Variants in SLC26A3 observed in about 807,000 individuals in gnomAD.
The protein encoded by SLC26A3 is solute carrier family 26 member 3.
SLC26A3 carries 64 observed loss-of-function variants against 85.6 expected under a neutral mutation model. The ratio of observed to expected loss-of-function variants is 0.75; its 90% CI spans 0.61 to 0.92. The LOEUF (loss-of-function observed/expected upper bound fraction) is 0.92, where lower values mean the gene tolerates loss of function less well. SLC26A3 is among the 40% of genes least tolerant of loss of function. The pLI is 0.00. For synonymous variants in SLC26A3, 349 were observed against 336.0 expected, an observed-to-expected ratio of 1.04 and a Z score of -0.42; for missense variants, 922 against 927.3, an observed-to-expected ratio of 0.99 and a Z score of 0.07.
Position 107,799,322 on chromosome 7 carries a change from G to A in SLC26A3, c.-89+3789C>T, listed in dbSNP as rs148713209. Among the ~76,000 whole-genome samples, 1,060 of 152,254 alleles carry A rather than the reference G, an allele frequency of 7.0e-3. 12 individuals are homozygous for A. The highest frequency in any genetic ancestry group is 0.024 in the African/African-American group (1,016 of 41,542). On this transcript the variant is annotated intron_variant, in intron 1 of 20. Transcript: ENST00000340010. ...TAAGCACACCAGGTTTCAAATCCTT[G>A]CCTTGCCATATCTTAACTATGTTTG... is the stretch of plus-strand genomic sequence containing the variant.
intron 1 of SLC26A3, among the ~76,000 whole-genome samples, chr7:107,799,329 C>A (rs914521864): frequency 7.2e-5 from 11 of 152,128 alleles, no homozygotes; most frequent in African/African-American, 2.7e-4. Context: ...CTTGCCTTGC[C>A]ATATCTTAAC....
At chr7:107,768,667 A>G (rs1793955563) in intron 18 of SLC26A3, among the ~76,000 whole-genome samples, 1 of 152,174 alleles carries the variant, frequency 6.6e-6, no homozygotes, top group Non-Finnish European at 1.5e-5. Flanking sequence ...AATTCCCAGC[A>G]CATAGTATGT....
Position 107,783,288 on chromosome 7 carries a change from T to A in SLC26A3, c.1036A>T (p.Ile346Phe), listed in dbSNP as rs766985569. Residue 346 changes from isoleucine (I) to phenylalanine (F), a missense_variant, in exon 9 of 21, where the codon ATC becomes TTC. Transcript: ENST00000340010. ...GCCACTGCAAATGCAACCATTGCGA[T>A]GCCGAAGCAATCTCCTACGGTGTTT... ...FQNTVGDCFG[I>F]AMVAFAVAFS... is the part of the protein sequence containing the mutation. 3 of 1,614,128 alleles carry A rather than the reference T, an allele frequency of 1.9e-6. No homozygotes were observed. Among genetic ancestry groups the A allele is most frequent in the South Asian group, 1.1e-5 (1 of 91,094 alleles).
intron 3 of SLC26A3, 39 bp downstream of exon 3, chr7:107,793,703 A>ACCC: frequency 1.3e-6 from 2 of 1,483,736 alleles, no homozygotes; most frequent in Non-Finnish European, 1.8e-6. Context: ...CAGAGGAAGA[A>ACCC]TTTTATTGTA....
intron 7 of SLC26A3, among the ~76,000 whole-genome samples, 195 bp from the exon 8 acceptor site, chr7:107,787,104 T>C (rs982376186): frequency 6.6e-6 from 1 of 152,242 alleles, no homozygotes; most frequent in African/African-American, 2.4e-5. Flanking sequence ...TAAATTCAAA[T>C]GGCTCTAACA....
intron 17 of SLC26A3, 91 bp from the exon 18 acceptor site, chr7:107,772,199 T>C (rs1794040395): frequency 1.4e-5 from 11 of 763,814 alleles, no homozygotes; most frequent in Non-Finnish European, 2.3e-5. Flanking sequence ...TTACGGGTGA[T>C]ATATTCCTTT....
At chr7:107,794,274 A>G in intron 2 of SLC26A3, 105 bp downstream of exon 2, 1 of 1,282,358 alleles carries the variant, frequency 7.8e-7, no homozygotes. Context: ...AAAGGACTGT[A>G]GGCTGTGGAC....
At position 107,767,809 on chromosome 7, in the gene SLC26A3, A is replaced by G. The variant is rs770060508; in HGVS notation, c.2162T>C (p.Leu721Ser). The change falls in exon 19 of 21, where the codon TTG becomes TCG. Residue 721 changes from leucine (L) to serine (S), a missense_variant. Leu to Ser is a moderately radical substitution (Grantham distance 145). Coordinates refer to ENST00000340010, the MANE Select transcript of SLC26A3 (RefSeq NM_000111.3). ...TGAAGTACTGTAATCTTTCTTCATC[A>G]AAATATGCAAAACAGCATCATGGAT... ...LTIHDAVLHI[L>S]MKKDYSTSKF... 3 of 1,613,902 alleles carry G rather than the reference A, an allele frequency of 1.9e-6. No homozygotes were observed. The Admixed American group carries it at 5.0e-5, about 27-fold the overall frequency.
chr7:107,785,613 A>G (rs1009487424), intron 8 of SLC26A3, among the ~76,000 whole-genome samples: 3 of 152,230 alleles, frequency 2.0e-5, no homozygotes, highest in African/African-American at 7.2e-5. Flanking sequence ...AAATCACTTC[A>G]AAGTGGCAGA....
At position 107,765,817 on chromosome 7, in the gene SLC26A3, T is replaced by A. The variant is rs753647955; in HGVS notation, c.*38A>T. ...TTCTGGGTATAAAGTTGTTTTTATGTCATAGTCAGATGAAGATCCTTCTGA... is the reference window on the plus strand; with the variant it reads ...TTCTGGGTATAAAGTTGTTTTTATGACATAGTCAGATGAAGATCCTTCTGA... On this transcript the variant is annotated 3_prime_UTR_variant, in exon 21 of 21. Coordinates refer to ENST00000340010, the MANE Select transcript of SLC26A3 (RefSeq NM_000111.3). The A allele has an allele frequency of 4.6e-6, 7 of 1,532,944 alleles. No homozygotes were observed. In the African/African-American group the frequency reaches 9.5e-5, roughly 21 times the overall value. The allele number at this position is 1,532,944 out of a possible 1,614,324, so 95.0% of individuals were successfully genotyped here. A position where few individuals can be genotyped will look rare whatever the true frequency, so the allele number is the denominator to read the frequency against.
chr7:107,783,340 AG>A lies in SLC26A3; in HGVS notation c.983del (p.Pro328LeufsTer13). ...VGDMNPGFQP[P>X]ITPDVETFQN... ...GGAAAGTCTCCACGTCAGGTGTAAT[AG>A]GGGGCTGAAATCTAAAATTGAAATT... is the stretch of plus-strand genomic sequence containing the variant. On this transcript the variant is annotated frameshift_variant, in exon 9 of 21. Transcript: ENST00000340010. LOFTEE classifies it high-confidence loss of function. The A allele has an allele frequency of 6.2e-7, 1 of 1,614,208 alleles. No individual in the cohort carries two copies. Among genetic ancestry groups the A allele is most frequent in the African/African-American group, 1.3e-5 (1 of 75,056 alleles).
At chr7:107,775,234 T>C (rs1794091173) in intron 15 of SLC26A3, among the ~76,000 whole-genome samples, 1 of 152,218 alleles carries the variant, frequency 6.6e-6, no homozygotes, top group Admixed American at 6.5e-5. Flanking sequence ...GAGTTGCACC[T>C]ACATAAGTAT....
At chr7:107,800,068 T>C (rs1243857699) in intron 1 of SLC26A3, among the ~76,000 whole-genome samples, 1 of 152,212 alleles carries the variant, frequency 6.6e-6, no homozygotes, top group Non-Finnish European at 1.5e-5. Context: ...CTCACAAGCT[T>C]CTTCACTCCT....
At chr7:107,772,865 C>T (rs1476033842) in intron 17 of SLC26A3, among the ~76,000 whole-genome samples, 2 of 152,070 alleles carry the variant, frequency 1.3e-5, no homozygotes, top group East Asian at 1.9e-4. Context: ...CGCAAGTAGA[C>T]TTGAGAGTTA....
intron 16 of SLC26A3, 32 bp downstream of exon 16, chr7:107,774,745 A>T: frequency 6.9e-7 from 1 of 1,455,842 alleles, no homozygotes; most frequent in Non-Finnish European, 9.7e-7. Flanking sequence ...GCTTTTAGCT[A>T]TAATGCATAG....
chr7:107,801,682 A>T (rs1041322914), intron 1 of SLC26A3, among the ~76,000 whole-genome samples: 14 of 152,124 alleles, frequency 9.2e-5, no homozygotes, highest in African/African-American at 3.4e-4. Context: ...TTCTTTATAT[A>T]CTTACTTATT....
At chr7:107,766,034 G>A (rs896883568) in intron 20 of SLC26A3, among the ~76,000 whole-genome samples, 156 bp from the exon 21 acceptor site, 3 of 151,876 alleles carry the variant, frequency 2.0e-5, no homozygotes, top group African/African-American at 7.3e-5. Flanking sequence ...GTTTAACATA[G>A]ATCTATGTGA....
Position 107,782,869 on chromosome 7 carries a change from A to G in SLC26A3, c.1239T>C (p.Ala413=), listed in dbSNP as rs760458819. ...QESTGGKTQI[A]GLIGAIIVLI... is the part of the protein sequence containing the mutation. ...GCACGATGATGGCACCAATAAGCCC[A>G]GCAATCTGTGAGGATAAAAAAATTA... Residue 413 remains alanine, a synonymous_variant, in exon 11 of 21, where the codon GCT becomes GCC. Coordinates refer to ENST00000340010, the MANE Select transcript of SLC26A3 (RefSeq NM_000111.3). The G allele has an allele frequency of 3.1e-6, 5 of 1,614,060 alleles. No homozygotes were observed. In the South Asian group the frequency reaches 5.5e-5, roughly 18 times the overall value.
intron 10 of SLC26A3, 45 bp from the exon 11 acceptor site, chr7:107,782,919 T>C (rs1173481255): frequency 2.5e-6 from 4 of 1,613,452 alleles, no homozygotes; most frequent in Non-Finnish European, 8.5e-7. Flanking sequence ...ACTTTTCCCC[T>C]GGCTTGAATT....
Sources: allele counts gnomAD v4.1 joint callset (sites outside exome capture counted in the v4.1 genomes callset), GRCh38; gene constraint gnomAD v4.1.1; transcripts MANE v1.5; gene names NCBI Gene and HGNC (gene_info 2026-07-23, HGNC 2026-07-21).